The following MED24 variants were observed in gnomAD, a reference collection of about 807,000 sequenced individuals.
The protein encoded by MED24 is mediator complex subunit 24.
In MED24, 74 loss-of-function variants were observed where a neutral mutation model predicts 118.8. That is an observed-to-expected ratio of 0.62 (90% CI 0.52 to 0.76). The LOEUF (loss-of-function observed/expected upper bound fraction) is 0.76, where lower values mean the gene tolerates loss of function less well. Among genes scored for constraint, MED24 ranks in the 30% least tolerant of loss-of-function variants. MED24 has a pLI of 0.00. For missense variants in MED24, 1,041 were observed against 1,278.9 expected, an observed-to-expected ratio of 0.81 and a Z score of 2.84; for synonymous variants, 521 against 523.9, an observed-to-expected ratio of 0.99 and a Z score of 0.08.
intron 19 of MED24, 165 bp from the exon 20 acceptor site, chr17:40,023,560 G>C: frequency 1.6e-6 from 1 of 644,160 alleles, no homozygotes. Flanking sequence ...GGGGTGACCT[G>C]GCCCCTGCTC....
At chr17:40,047,122 A>G (rs1985316412) in intron 3 of MED24, among the ~76,000 whole-genome samples, 1 of 152,212 alleles carries the variant, frequency 6.6e-6, no homozygotes, top group African/African-American at 2.4e-5. Flanking sequence ...ATTTAAAAAA[A>G]TAAATAAAAA....
In MED24 at chr17:40,029,787, C is replaced by G; in HGVS notation, c.1227G>C (p.Leu409=). The G allele has an allele frequency of 6.2e-7, 1 of 1,614,170 alleles. No homozygotes were observed. Among genetic ancestry groups the G allele is most frequent in the Non-Finnish European group, 8.5e-7 (1 of 1,180,026 alleles). Residue 409 remains leucine, a synonymous_variant, in exon 13 of 26, where the codon CTG becomes CTC. Coordinates refer to ENST00000394128, the MANE Select transcript of MED24 (RefSeq NM_014815.4). The part of the protein sequence containing the change: ...ENANIQPNIQ[L]ILRAEPTVTN... Reference sequence around the variant, plus strand: ...TGACAGTGGGCTCCGCCCGGAGGATCAGCTGGATGTTGGGCTGGATGTTGG... The same window carrying G: ...TGACAGTGGGCTCCGCCCGGAGGATGAGCTGGATGTTGGGCTGGATGTTGG...
At position 40,023,550 on chromosome 17, in the gene MED24, G is replaced by A. The variant is rs57554435; in HGVS notation, c.1986-155C>T. On this transcript the variant is annotated intron_variant, in intron 19 of 25. Transcript: ENST00000394128. ...TTTGCGCTGGGGGACGGTATACCCCGGGGTGACCTGGCCCCTGCTCTGCTC... is the reference window on the plus strand; with the variant it reads ...TTTGCGCTGGGGGACGGTATACCCCAGGGTGACCTGGCCCCTGCTCTGCTC... 2.0e-3 allele frequency: 1,357 copies of A among 681,558 alleles called. 20 individuals carry two copies. In the African/African-American group the frequency reaches 0.021, roughly 10 times the overall value. The allele number at this position is 681,558 out of a possible 1,614,324, so 42.2% of individuals were successfully genotyped here.
At chr17:40,039,570 T>C (rs895447797) in intron 3 of MED24, among the ~76,000 whole-genome samples, 1 of 152,230 alleles carries the variant, frequency 6.6e-6, no homozygotes, top group Admixed American at 6.5e-5. Flanking sequence ...TTCATATCTA[T>C]TTACTTCTGT....
At chr17:40,047,458 G>A (rs988556838) in intron 3 of MED24, among the ~76,000 whole-genome samples, 1 of 151,104 alleles carries the variant, frequency 6.6e-6, no homozygotes, top group Non-Finnish European at 1.5e-5. Context: ...TCAGGAGTTC[G>A]AGACCAGCCT....
At chr17:40,047,776 C>T (rs543584985) in intron 3 of MED24, among the ~76,000 whole-genome samples, 159 of 152,064 alleles carry the variant, frequency 1.0e-3, no homozygotes, top group South Asian at 2.7e-3. Flanking sequence ...GTTGCCCAGG[C>T]TGGAGCACAA....
chr17:40,025,228 C>T (rs1256701645), intron 19 of MED24, among the ~76,000 whole-genome samples: 2 of 152,070 alleles, frequency 1.3e-5, no homozygotes, highest in Admixed American at 1.3e-4. Flanking sequence ...CGCCTGTAAT[C>T]CCAGCACTTT....
At chr17:40,041,284 A>G (rs190456898) in intron 3 of MED24, among the ~76,000 whole-genome samples, 25 of 152,190 alleles carry the variant, frequency 1.6e-4, no homozygotes, top group Admixed American at 3.3e-4. Flanking sequence ...GCTTTTCTTG[A>G]TAACACTCTC....
intron 6 of MED24, among the ~76,000 whole-genome samples, chr17:40,034,425 C>T (rs1356770241): frequency 6.6e-6 from 1 of 152,222 alleles, no homozygotes; most frequent in Non-Finnish European, 1.5e-5. Flanking sequence ...CCCATTCTAG[C>T]ATTCTTGTTC....
chr17:40,053,902 G>T, intron 1 of MED24: 1 of 576,482 alleles, frequency 1.7e-6, no homozygotes, highest in Middle Eastern at 4.7e-4. Flanking sequence ...AGGCAGAGGC[G>T]GGCGAATCAC....
chr17:40,030,389 G>A (rs1040442666), intron 12 of MED24, among the ~76,000 whole-genome samples: 5 of 151,788 alleles, frequency 3.3e-5, no homozygotes, highest in Admixed American at 2.0e-4. Flanking sequence ...TCTGCTTTCC[G>A]GGTTCAAGTG....
At chr17:40,027,728 G>T in intron 15 of MED24, 181 bp downstream of exon 15, 1 of 735,822 alleles carries the variant, frequency 1.4e-6, no homozygotes, top group East Asian at 2.7e-5. Flanking sequence ...GATGGTCTGG[G>T]AAGAATCCTT....
chr17:40,043,173 C>G lies in MED24; in HGVS notation c.214-7019G>C, dbSNP rs142327763. Among the ~76,000 whole-genome samples, 220 of 152,296 alleles carry G rather than the reference C, an allele frequency of 1.4e-3. 4 individuals are homozygous for G. The East Asian group carries it at 0.04, about 28-fold the overall frequency. ...ATGTTGGCCAGACTAGTCTTGAACTCCTAACCTAAGGTGATCCACCCACCT... is the reference window on the plus strand; with the variant it reads ...ATGTTGGCCAGACTAGTCTTGAACTGCTAACCTAAGGTGATCCACCCACCT... On this transcript the variant is annotated intron_variant, in intron 3 of 25. Coordinates refer to ENST00000394128, the MANE Select transcript of MED24 (RefSeq NM_014815.4).
intron 21 of MED24, 67 bp downstream of exon 21, chr17:40,022,578 T>C (rs1463695370): frequency 6.2e-7 from 1 of 1,603,444 alleles, no homozygotes; most frequent in East Asian, 2.2e-5. Flanking sequence ...TCTCCCAGGG[T>C]GGCACCAGGC....
chr17:40,023,456 A>G (rs930407968), intron 19 of MED24, 61 bp from the exon 20 acceptor site: 65 of 1,458,124 alleles, frequency 4.5e-5, no homozygotes, highest in Non-Finnish European at 1.5e-5. Context: ...GAGGGAGAGG[A>G]GGGAACACCC....
At chr17:40,039,976 G>T (rs1345420797) in intron 3 of MED24, among the ~76,000 whole-genome samples, 1 of 151,100 alleles carries the variant, frequency 6.6e-6, no homozygotes, top group East Asian at 1.9e-4. Context: ...GTAGAAGCGG[G>T]GTTTCACCAT....
intron 3 of MED24, among the ~76,000 whole-genome samples, chr17:40,039,261 G>A (rs146894011): frequency 6.6e-6 from 1 of 152,164 alleles, no homozygotes; most frequent in Non-Finnish European, 1.5e-5. Context: ...TCTACATGAC[G>A]AACTGTTTTA....
At chr17:40,026,057 G>T in intron 19 of MED24, 99 bp downstream of exon 19, 1 of 1,257,338 alleles carries the variant, frequency 8.0e-7, no homozygotes, top group Non-Finnish European at 1.1e-6. Flanking sequence ...CAAGTAGCGT[G>T]TTTGCGAAGG....
chr17:40,028,179 A>T, intron 14 of MED24: 1 of 458,112 alleles, frequency 2.2e-6, no homozygotes. Flanking sequence ...GCAGTGGCAC[A>T]ATCTCAGCTC....
Sources: allele counts gnomAD v4.1 joint callset (sites outside exome capture counted in the v4.1 genomes callset), GRCh38; gene constraint gnomAD v4.1.1; transcripts MANE v1.5; gene names NCBI Gene and HGNC (gene_info 2026-07-23, HGNC 2026-07-21).